The following NUP58 variants were observed in gnomAD, a reference collection of about 807,000 sequenced individuals.
NUP58 encodes nucleoporin 58, also known as nucleoporin p58/p45.
A neutral mutation model predicts 70.1 loss-of-function variants in NUP58; 17 were observed. That is an observed-to-expected ratio of 0.24 (90% confidence interval 0.17 to 0.36). The LOEUF (loss-of-function observed/expected upper bound fraction) is 0.36. Ranked by LOEUF, NUP58 falls within the 10% of genes least tolerant of loss-of-function variation. NUP58 has a pLI of 1.00. For synonymous variants in NUP58, 275 were observed against 257.6 expected (o/e 1.07, Z -0.65); for missense variants, 644 against 701.5 (o/e 0.92, Z 0.93).
intron 6 of NUP58, among the ~76,000 whole-genome samples, chr13:25,316,540 C>A (rs528548913): frequency 1.6e-4 from 25 of 152,098 alleles, no homozygotes; most frequent in East Asian, 5.8e-4. Flanking sequence ...CCTTTTTAAA[C>A]TTTTACAAAG....
chr13:25,341,369 A>G lies in NUP58; in HGVS notation c.*1235A>G, dbSNP rs1297827555. The G allele has an allele frequency of 2.6e-5, 4 of 152,522 alleles. No homozygotes were observed. Among genetic ancestry groups the G allele is most frequent in the African/African-American group, 7.2e-5 (3 of 41,418 alleles). The allele number at this position is 152,522 out of a possible 1,614,324, so 9.4% of individuals were successfully genotyped here. On this transcript the variant is annotated 3_prime_UTR_variant, in exon 16 of 16. Coordinates refer to ENST00000381736, the MANE Select transcript of NUP58 (RefSeq NM_014089.4). The stretch of plus-strand genomic sequence containing the variant: ...AAGAGCTATTAGCCAAACTGATTCT[A>G]TGCAGGTGAAGGATGCACTAAAGTT...
intron 2 of NUP58, among the ~76,000 whole-genome samples, chr13:25,308,437 G>A (rs1678507547): frequency 1.3e-5 from 2 of 151,550 alleles, no homozygotes; most frequent in African/African-American, 4.8e-5. Flanking sequence ...TGAGTAGATG[G>A]GACCACACGT....
At chr13:25,336,912 A>ATTTTTT in intron 13 of NUP58, 24 bp from the exon 14 acceptor site, 7 of 1,256,586 alleles carry the variant, frequency 5.6e-6, no homozygotes, top group East Asian at 2.5e-5. Context: ...TTTCCCCCCC[A>ATTTTTT]TTTTTTTTTT....
Position 25,301,693 on chromosome 13 carries a change from C to A in NUP58, c.-81C>A. The A allele has an allele frequency of 1.4e-6, 1 of 724,298 alleles. No individual in the cohort carries two copies. The highest frequency in any genetic ancestry group is 2.1e-6 in the Non-Finnish European group (1 of 480,014). The allele number at this position is 724,298 out of a possible 1,614,324, so 44.9% of individuals were successfully genotyped here. On this transcript the variant is annotated 5_prime_UTR_variant, in exon 1 of 16. Coordinates refer to ENST00000381736, the MANE Select transcript of NUP58 (RefSeq NM_014089.4). ...TCCGTGCCGGGCGAGAGAGATGCTG[C>A]CCGGCCCGCCTCGGCTTTGAGGCGA...
intron 2 of NUP58, 68 bp from the exon 3 acceptor site, chr13:25,309,179 A>C (rs1222891304): frequency 8.3e-7 from 1 of 1,207,054 alleles, no homozygotes; most frequent in African/African-American, 1.5e-5. Flanking sequence ...TCTTTCCCTT[A>C]TGACAGGTAA....
chr13:25,320,514 T>C lies in NUP58; in HGVS notation c.711-16T>C. On this transcript the variant is annotated splice_polypyrimidine_tract_variant and intron_variant, in intron 7 of 15. Transcript: ENST00000381736. Reference sequence around the variant, plus strand: ...AAATCTCAATGACCTTAATACATGTTTTGCATTTTTCTTAGGGATAGTAAA... The same window carrying C: ...AAATCTCAATGACCTTAATACATGTCTTGCATTTTTCTTAGGGATAGTAAA... 1 of 1,584,656 alleles carries C rather than the reference T, an allele frequency of 6.3e-7. No homozygotes were observed. The highest frequency in any genetic ancestry group is 2.2e-5 in the East Asian group (1 of 44,548).
At chr13:25,330,861 G>T (rs138090240) in intron 12 of NUP58, among the ~76,000 whole-genome samples, 1 of 151,958 alleles carries the variant, frequency 6.6e-6, no homozygotes, top group African/African-American at 2.4e-5. Flanking sequence ...CCTTATTTTA[G>T]CATGTGTTAC....
At chr13:25,312,319 C>A (rs1180915859) in intron 3 of NUP58, among the ~76,000 whole-genome samples, 3 of 152,084 alleles carry the variant, frequency 2.0e-5, no homozygotes, top group Admixed American at 6.6e-5. Context: ...AGAGGTAAAT[C>A]TAGGAGTAGA....
At chr13:25,346,293 G>T (rs2032049773), downstream of NUP58, among the ~76,000 whole-genome samples, 1 of 152,158 alleles carries the variant, frequency 6.6e-6, no homozygotes. Flanking sequence ...AACAGGCACA[G>T]TTGTTAAATA....
At chr13:25,317,230 C>T (rs1049124387) in intron 6 of NUP58, among the ~76,000 whole-genome samples, 5 of 152,070 alleles carry the variant, frequency 3.3e-5, no homozygotes, top group South Asian at 2.1e-4. Flanking sequence ...CCAGATTAGC[C>T]ATAGAGCAGA....
chr13:25,325,214 A>G, intron 10 of NUP58, 146 bp downstream of exon 10: 1 of 602,586 alleles, frequency 1.7e-6, no homozygotes, highest in Non-Finnish European at 2.8e-6. Flanking sequence ...ATTTCATAAT[A>G]ACCCTAAAAA....
At position 25,307,904 on chromosome 13, in the gene NUP58, G is replaced by T; in HGVS notation, c.206G>T (p.Gly69Val). The T allele has an allele frequency of 6.2e-7, 1 of 1,614,088 alleles. No individual in the cohort carries two copies. Among genetic ancestry groups the T allele is most frequent in the Non-Finnish European group, 8.5e-7 (1 of 1,180,006 alleles). Reference protein sequence around the residue: ...PSSGFGTGLFGSKPATGFTLG... With the variant: ...PSSGFGTGLFVSKPATGFTLG... ...AGTGGTTTTGGAACCGGGCTCTTTG[G>T]ATCTAAACCTGCCACTGGGTTCACT... is the stretch of plus-strand genomic sequence containing the variant. The change falls in exon 2 of 16, where the codon GGA becomes GTA. Residue 69 changes from glycine (G) to valine (V), a missense_variant. This residue lies in a region of NUP58 where 430 missense variants were observed against 409.2 expected (regional missense o/e 1.05). Transcript: ENST00000381736.
At chr13:25,307,384 T>G (rs1294612397) in intron 1 of NUP58, among the ~76,000 whole-genome samples, 2 of 151,716 alleles carry the variant, frequency 1.3e-5, no homozygotes, top group Non-Finnish European at 2.9e-5. Context: ...CCTGGCTAAT[T>G]TTTGTATTTT....
intron 12 of NUP58, among the ~76,000 whole-genome samples, chr13:25,330,817 C>T (rs1453363361): frequency 6.6e-6 from 1 of 152,144 alleles, no homozygotes; most frequent in East Asian, 1.9e-4. Context: ...TAGAAGCCCT[C>T]ATCATACCCT....
At chr13:25,335,704 G>A (rs2031756455) in intron 13 of NUP58, 1 of 984,224 alleles carries the variant, frequency 1.0e-6, no homozygotes, top group South Asian at 4.7e-5. Context: ...TAGTTCCTCG[G>A]TTGTTTTTCT....
intron 13 of NUP58, chr13:25,333,567 T>C (rs1187077311): frequency 1.0e-6 from 1 of 985,278 alleles, no homozygotes. Flanking sequence ...ACAACAGTGA[T>C]AACAATTTTA....
chr13:25,307,529 T>G (rs2030431831), intron 1 of NUP58, among the ~76,000 whole-genome samples: 1 of 152,234 alleles, frequency 6.6e-6, no homozygotes, highest in Admixed American at 6.5e-5. Context: ...TCTGGTATTG[T>G]ATTTTTTAAG....
chr13:25,335,321 G>C (rs187787552), intron 13 of NUP58: 3 of 985,338 alleles, frequency 3.0e-6, no homozygotes, highest in Non-Finnish European at 3.6e-6. Context: ...TGCTATTTGA[G>C]TAACTCTTAC....
At chr13:25,343,796 C>CAT (rs1232130577), downstream of NUP58, among the ~76,000 whole-genome samples, 1 of 121,440 alleles carries the variant, frequency 8.2e-6, no homozygotes, top group African/African-American at 3.4e-5. Context: ...TAGTATTCCA[C>CAT]ATATATATGT....
Sources: allele counts gnomAD v4.1 joint callset (sites outside exome capture counted in the v4.1 genomes callset), GRCh38; gene constraint gnomAD v4.1.1; regional missense constraint gnomAD v4.1.1; transcripts MANE v1.5; gene names NCBI Gene and HGNC (gene_info 2026-07-23, HGNC 2026-07-21).